Variants in COL4A6 observed in about 807,000 individuals in gnomAD.
COL4A6 encodes collagen alpha-6(IV) chain.
Under a neutral mutation model 126.7 loss-of-function variants are expected in COL4A6, and 59 were observed. The ratio of observed to expected loss-of-function variants is 0.47; its 90% CI spans 0.38 to 0.58. The LOEUF (loss-of-function observed/expected upper bound fraction) is 0.58, where lower values mean the gene tolerates loss of function less well. COL4A6 is among the 20% of genes least tolerant of loss of function. The pLI, the probability that COL4A6 is intolerant of heterozygous loss-of-function variation, is 0.00. For synonymous variants in COL4A6, 547 were observed against 496.6 expected (o/e 1.10, Z -1.35); for missense variants, 1,285 against 1,337.3 (o/e 0.96, Z 0.61).
intron 2 of COL4A6, among the ~76,000 whole-genome samples, chrX:108,324,488 C>T (rs1304036247): frequency 8.9e-6 from 1 of 111,802 alleles, no homozygotes; most frequent in East Asian, 2.8e-4. Flanking sequence ...CTTCCCAAGG[C>T]TAGTCATAGG....
At chrX:108,387,657 A>G (rs1465902427) in intron 2 of COL4A6, among the ~76,000 whole-genome samples, 4 of 111,683 alleles carry the variant, frequency 3.6e-5, no homozygotes, top group African/African-American at 6.5e-5. Context: ...CATGTCATCT[A>G]CAAACAGAGA....
chrX:108,180,281 A>AG (rs755719903), intron 25 of COL4A6, among the ~76,000 whole-genome samples: 2 of 111,596 alleles, frequency 1.8e-5, no homozygotes, highest in Non-Finnish European at 3.8e-5. Context: ...CTGAAAGTTA[A>AG]GGGGTTGCCC....
chrX:108,392,155 CTA>C (rs1199090480), intron 2 of COL4A6, among the ~76,000 whole-genome samples: 1 of 111,901 alleles, frequency 8.9e-6, no homozygotes, highest in Non-Finnish European at 1.9e-5. Context: ...AGCGCTAAAA[CTA>C]TAAAACTTTT....
chrX:108,433,013 T>C (rs972941575), intron 2 of COL4A6, among the ~76,000 whole-genome samples: 12 of 111,557 alleles, frequency 1.1e-4, no homozygotes, highest in Admixed American at 8.5e-4. Flanking sequence ...AGAGGGCTGT[T>C]TGCCTGGAGT....
At chrX:108,159,806 G>A in intron 43 of COL4A6, 58 bp from the exon 44 acceptor site, 1 of 1,175,179 alleles carries the variant, frequency 8.5e-7, no homozygotes, top group Non-Finnish European at 1.2e-6. Context: ...GCTTTGACGA[G>A]ATGGTGGTTT....
At chrX:108,282,079 C>T (rs973089452) in intron 3 of COL4A6, among the ~76,000 whole-genome samples, 4 of 110,833 alleles carry the variant, frequency 3.6e-5, no homozygotes, top group African/African-American at 6.6e-5. Context: ...TCAGGACATA[C>T]GCATGGGCAA....
intron 6 of COL4A6, among the ~76,000 whole-genome samples, chrX:108,212,589 C>G (rs568655922): frequency 9.0e-6 from 1 of 111,671 alleles, no homozygotes; most frequent in African/African-American, 3.3e-5. Flanking sequence ...TGATTGATTC[C>G]TTCAGCACAG....
At chrX:108,187,356 G>T in intron 22 of COL4A6, 77 bp from the exon 23 acceptor site, 1 of 830,541 alleles carries the variant, frequency 1.2e-6, no homozygotes, top group Non-Finnish European at 1.6e-6. Context: ...ACAGGAAAGA[G>T]GTAGCCAGTG....
intron 2 of COL4A6, among the ~76,000 whole-genome samples, chrX:108,382,362 CACTT>C (rs1445631128): frequency 9.0e-6 from 1 of 111,689 alleles, no homozygotes; most frequent in African/African-American, 3.3e-5. Context: ...ATGTATAAAA[CACTT>C]ACCACAGTGC....
chrX:108,420,351 T>C (rs73533280), intron 2 of COL4A6, among the ~76,000 whole-genome samples: 8,206 of 111,369 alleles, frequency 0.074, 674 homozygotes, highest in African/African-American at 0.23. Flanking sequence ...GAGGGAGGAC[T>C]CTGTAATGTC....
chrX:108,425,425 T>C (rs1178939718), intron 2 of COL4A6, among the ~76,000 whole-genome samples: 2 of 110,606 alleles, frequency 1.8e-5, no homozygotes, highest in East Asian at 2.8e-4. Flanking sequence ...AGAAATAAAC[T>C]GGAGATTAAG....
At chrX:108,395,615 C>T (rs73529126) in intron 2 of COL4A6, among the ~76,000 whole-genome samples, 8,208 of 111,587 alleles carry the variant, frequency 0.074, 665 homozygotes, top group African/African-American at 0.23. Flanking sequence ...GAATCAACTT[C>T]CCATGTTTCC....
chrX:108,298,016 C>G (rs1207091449), intron 3 of COL4A6, among the ~76,000 whole-genome samples: 1 of 111,228 alleles, frequency 9.0e-6, no homozygotes, highest in East Asian at 2.8e-4. Flanking sequence ...CAAGGAAAGA[C>G]TTTTCAAAAA....
intron 2 of COL4A6, among the ~76,000 whole-genome samples, chrX:108,331,859 T>C (rs1430508928): frequency 1.8e-5 from 2 of 111,182 alleles, no homozygotes; most frequent in Admixed American, 1.9e-4. Flanking sequence ...GATTTATTGA[T>C]TTTTATAGAT....
intron 2 of COL4A6, among the ~76,000 whole-genome samples, chrX:108,348,562 T>C (rs1326828354): frequency 2.7e-5 from 3 of 112,320 alleles, no homozygotes; most frequent in Non-Finnish European, 5.6e-5. Context: ...ACTATTTTTT[T>C]GGTAGTTTAA....
At chrX:108,266,693 A>G (rs1345203953) in intron 3 of COL4A6, among the ~76,000 whole-genome samples, 3 of 111,944 alleles carry the variant, frequency 2.7e-5, no homozygotes, top group African/African-American at 9.7e-5. Context: ...GCATTACTAT[A>G]AACAGCATAT....
At chrX:108,278,244 A>G (rs977053207) in intron 3 of COL4A6, among the ~76,000 whole-genome samples, 2 of 111,908 alleles carry the variant, frequency 1.8e-5, no homozygotes, top group African/African-American at 6.5e-5. Flanking sequence ...AAAACTTTGA[A>G]AAAAATTTAG....
intron 2 of COL4A6, among the ~76,000 whole-genome samples, chrX:108,346,733 C>A (rs2039717642): frequency 8.9e-6 from 1 of 112,383 alleles, no homozygotes; most frequent in Non-Finnish European, 1.9e-5. Flanking sequence ...TAAATAAAGA[C>A]CCAAAACACT....
chrX:108,157,445 C>T (rs1165319176), intron 44 of COL4A6, among the ~76,000 whole-genome samples, 185 bp from the exon 45 acceptor site: 1 of 111,460 alleles, frequency 9.0e-6, no homozygotes, highest in Non-Finnish European at 1.9e-5. Context: ...TGCTTGTCCT[C>T]CCTCATAGCA....
Sources: allele counts gnomAD v4.1 joint callset (sites outside exome capture counted in the v4.1 genomes callset), GRCh38; gene constraint gnomAD v4.1.1; transcripts MANE v1.5; gene names NCBI Gene and HGNC (gene_info 2026-07-23, HGNC 2026-07-21).